SPAG17: variants seen among roughly 807,000 people sequenced by gnomAD.
The protein encoded by SPAG17 is sperm associated antigen 17, also known as sperm-associated antigen 17.
A neutral mutation model predicts 273.6 loss-of-function variants in SPAG17; 169 were observed. The observed-to-expected ratio is 0.62, with a 90% CI of 0.55 to 0.70. The LOEUF (loss-of-function observed/expected upper bound fraction) is 0.70. Among genes scored for constraint, SPAG17 ranks in the 30% least tolerant of loss-of-function variants. The pLI, the probability that SPAG17 is intolerant of heterozygous loss-of-function variation, is 0.00. For missense variants in SPAG17, 2,557 were observed against 2,627.8 expected (o/e 0.97, Z 0.59); for synonymous variants, 825 against 873.2 (o/e 0.94, Z 0.97).
chr1:117,996,654 C>A lies in SPAG17; in HGVS notation c.4866G>T (p.Leu1622=). Residue 1622 remains leucine (L), a synonymous_variant, in exon 33 of 49, where the codon CTG becomes CTT. Coordinates refer to ENST00000336338, the MANE Select transcript of SPAG17 (RefSeq NM_206996.4). ...LNEKTEGYDS[L]SSMHLEKNHQ... ...GATTCTTTTCAAGGTGCATAGAGGA[C>A]AGACTATCATAGCCCTCAGTTTTCT... is the stretch of plus-strand genomic sequence containing the variant. 1 of 1,612,956 alleles carries A rather than the reference C, an allele frequency of 6.2e-7. No individual in the cohort carries two copies. The highest frequency in any genetic ancestry group is 8.5e-7 in the Non-Finnish European group (1 of 1,179,418).
chr1:118,025,524 T>C (rs1387499434), intron 26 of SPAG17, 108 bp from the exon 27 acceptor site: 1 of 927,378 alleles, frequency 1.1e-6, no homozygotes, highest in African/African-American at 1.7e-5. Flanking sequence ...ATTTTAAAAA[T>C]AGAGACAAAG....
At chr1:118,134,792 C>T (rs539060302) in intron 3 of SPAG17, among the ~76,000 whole-genome samples, 309 of 152,302 alleles carry the variant, frequency 2.0e-3, no homozygotes, top group African/African-American at 7.2e-3. Flanking sequence ...TCTAGAGTTC[C>T]TTGGTCATAC....
intron 1 of SPAG17, among the ~76,000 whole-genome samples, chr1:118,180,832 T>C (rs898327931): frequency 6.6e-6 from 1 of 152,012 alleles, no homozygotes; most frequent in African/African-American, 2.4e-5. Context: ...ATAAATTTCT[T>C]TGGTAAAAAA....
chr1:118,180,312 A>G (rs1395395766), intron 1 of SPAG17, among the ~76,000 whole-genome samples: 2 of 152,050 alleles, frequency 1.3e-5, no homozygotes, highest in Non-Finnish European at 2.9e-5. Context: ...CAAGGATGGA[A>G]CTGGCGTTCA....
At chr1:118,108,507 T>C (rs919263208) in intron 4 of SPAG17, among the ~76,000 whole-genome samples, 3 of 152,180 alleles carry the variant, frequency 2.0e-5, no homozygotes, top group Non-Finnish European at 4.4e-5. Context: ...CTCTGGCCTT[T>C]CTTGCTTCTG....
intron 3 of SPAG17, among the ~76,000 whole-genome samples, chr1:118,120,616 A>G (rs1242348965): frequency 6.6e-6 from 1 of 152,198 alleles, no homozygotes; most frequent in Non-Finnish European, 1.5e-5. Context: ...AGGAAAATCT[A>G]TGGCTTCCAA....
intron 6 of SPAG17, among the ~76,000 whole-genome samples, chr1:118,098,599 T>C (rs1376933573): frequency 1.3e-5 from 2 of 152,156 alleles, no homozygotes; most frequent in African/African-American, 2.4e-5. Flanking sequence ...GTATTATAAC[T>C]ATCCTTTGAG....
chr1:118,091,513 T>C (rs1275206668), intron 10 of SPAG17, 93 bp downstream of exon 10: 1 of 680,636 alleles, frequency 1.5e-6, no homozygotes, highest in African/African-American at 1.8e-5. Flanking sequence ...TTAGGTATTA[T>C]GAGTATAATT....
At chr1:118,058,145 T>A (rs558321245) in intron 18 of SPAG17, among the ~76,000 whole-genome samples, 1 of 152,316 alleles carries the variant, frequency 6.6e-6, no homozygotes, top group South Asian at 2.1e-4. Flanking sequence ...ACTTTATTTT[T>A]AATTATTATG....
chr1:118,036,881 C>T lies in SPAG17; in HGVS notation c.3322G>A (p.Val1108Ile). The change falls in exon 24 of 49, where the codon GTA becomes ATA. Residue 1108 changes from valine (V) to isoleucine (I), a missense_variant and splice_region_variant. By Grantham distance (29) the Val-to-Ile change is conservative (BLOSUM62 3). Transcript: ENST00000336338. Reference protein sequence around the residue: ...GDEEQSLETEVSDAKNKAFSK... With the variant: ...GDEEQSLETEISDAKNKAFSK... ...AAAGCTTTATTCTTTGCATCTGATA[C>T]TTCTAAAATACAAAATCGAATCAAG... is the stretch of plus-strand genomic sequence containing the variant. The T allele has an allele frequency of 6.5e-7, 1 of 1,544,684 alleles. No homozygotes were observed. Among genetic ancestry groups the T allele is most frequent in the Non-Finnish European group, 8.8e-7 (1 of 1,139,870 alleles).
At position 117,996,410 on chromosome 1, in the gene SPAG17, T is replaced by A; in HGVS notation, c.5013A>T (p.Ser1671=). The A allele has an allele frequency of 5.0e-6, 8 of 1,613,000 alleles. No individual in the cohort carries two copies. Among genetic ancestry groups the A allele is most frequent in the Non-Finnish European group, 6.8e-6 (8 of 1,179,360 alleles). The change falls in exon 34 of 49, where the codon TCA becomes TCT. Residue 1671 remains serine, a synonymous_variant. Transcript: ENST00000336338. ...CTGGCTCTTGGAGAACAACAGTATT[T>A]GATTCTTTATATGCCAAAGATAGAT... ...EEYLSLAYKE[S]NTVVLQEPVQ... is the part of the protein sequence containing the mutation.
intron 15 of SPAG17, among the ~76,000 whole-genome samples, chr1:118,079,711 A>C (rs189081449): frequency 6.6e-6 from 1 of 151,944 alleles, no homozygotes; most frequent in East Asian, 1.9e-4. Flanking sequence ...ATTAATCTTT[A>C]GCTTCTTTTA....
chr1:118,147,969 T>C (rs890406576), intron 3 of SPAG17, among the ~76,000 whole-genome samples: 8 of 152,166 alleles, frequency 5.3e-5, no homozygotes, highest in African/African-American at 1.7e-4. Context: ...TAAGAATAAC[T>C]AGGCTTTGAT....
intron 3 of SPAG17, among the ~76,000 whole-genome samples, chr1:118,143,829 T>C (rs1658816607): frequency 6.6e-6 from 1 of 152,140 alleles, no homozygotes; most frequent in Non-Finnish European, 1.5e-5. Context: ...TTCTCTTCAT[T>C]AGCTGAACCT....
Position 118,053,998 on chromosome 1 carries a change from T to C in SPAG17, c.2814+4A>G. On this transcript the variant is annotated splice_donor_region_variant and intron_variant, in intron 20 of 48. Transcript: ENST00000336338. ...TTTTTTAAACTTTATGTAAGCTGGA[T>C]TACCTTGAGAGAGCCTTCTAAAATG... is the stretch of plus-strand genomic sequence containing the variant. 1 of 1,599,374 alleles carries C rather than the reference T, an allele frequency of 6.3e-7. No individual in the cohort carries two copies. Among genetic ancestry groups the C allele is most frequent in the South Asian group, 1.1e-5 (1 of 90,286 alleles).
chr1:117,964,148 G>T (rs1653491594), intron 47 of SPAG17: 1 of 432,960 alleles, frequency 2.3e-6, no homozygotes, highest in Non-Finnish European at 4.2e-6. Flanking sequence ...TCTCCCTAGT[G>T]TACATTTCTC....
intron 3 of SPAG17, among the ~76,000 whole-genome samples, chr1:118,118,172 A>T (rs1227863551): frequency 6.6e-6 from 1 of 152,210 alleles, no homozygotes; most frequent in African/African-American, 2.4e-5. Flanking sequence ...TTTAAAGGAA[A>T]TGTACCTTTT....
chr1:118,003,583 C>G (rs181940878), intron 32 of SPAG17, among the ~76,000 whole-genome samples: 5 of 152,004 alleles, frequency 3.3e-5, no homozygotes, highest in Non-Finnish European at 7.4e-5. Context: ...TCACTTATAC[C>G]CTTTCTTCCA....
intron 18 of SPAG17, among the ~76,000 whole-genome samples, chr1:118,059,559 C>T (rs987262735): frequency 6.6e-6 from 1 of 151,892 alleles, no homozygotes; most frequent in Non-Finnish European, 1.5e-5. Flanking sequence ...ACTGTTTACT[C>T]CTCCTTTAGT....
Sources: allele counts gnomAD v4.1 joint callset (sites outside exome capture counted in the v4.1 genomes callset), GRCh38; gene constraint gnomAD v4.1.1; transcripts MANE v1.5; gene names NCBI Gene and HGNC (gene_info 2026-07-23, HGNC 2026-07-21).